The following AKAP19 variants were observed in gnomAD, a reference collection of about 807,000 sequenced individuals.
AKAP19 encodes the protein small A-kinase anchoring protein.
At chr2:190,165,101 C>G in the AKAP19 span, among the ~76,000 whole-genome samples, 11 of 152,018 alleles carry the variant, frequency 7.2e-5, no homozygotes, top group Admixed American at 4.6e-4. Context: ...GAACCAGAAC[C>G]CTGATTATAT....
At chr2:190,022,992 C>G in the AKAP19 span, among the ~76,000 whole-genome samples, 2 of 152,212 alleles carry the variant, frequency 1.3e-5, no homozygotes, top group East Asian at 3.9e-4. Flanking sequence ...AGGCCAATGT[C>G]TCTGGTTCCT....
the AKAP19 span, among the ~76,000 whole-genome samples, chr2:189,932,981 A>C: frequency 1.3e-5 from 2 of 152,216 alleles, no homozygotes; most frequent in African/African-American, 4.8e-5. Flanking sequence ...TATTGCCGGT[A>C]GCTCATATCT....
the AKAP19 span, among the ~76,000 whole-genome samples, chr2:190,051,950 G>A: frequency 1.3e-5 from 2 of 151,896 alleles, no homozygotes; most frequent in African/African-American, 4.8e-5. Flanking sequence ...CCATTCTCCT[G>A]CCTCAGCCTC....
At chr2:190,098,764 C>T in the AKAP19 span, among the ~76,000 whole-genome samples, 1 of 152,190 alleles carries the variant, frequency 6.6e-6, no homozygotes, top group Non-Finnish European at 1.5e-5. Context: ...CATTGAAAAT[C>T]TGTTGTTTAG....
the AKAP19 span, among the ~76,000 whole-genome samples, chr2:189,980,726 G>A: frequency 6.6e-6 from 1 of 152,290 alleles, no homozygotes; most frequent in Admixed American, 6.5e-5. Flanking sequence ...CCATTTATAA[G>A]TTCCAGGGTC....
the AKAP19 span, among the ~76,000 whole-genome samples, chr2:189,952,417 A>G: frequency 3.3e-5 from 5 of 152,170 alleles, no homozygotes; most frequent in African/African-American, 9.7e-5. Context: ...TGGAACTGAA[A>G]CAAAATCATA....
the AKAP19 span, chr2:189,923,892 A>G: frequency 7.9e-5 from 128 of 1,611,182 alleles, no homozygotes; most frequent in Middle Eastern, 3.9e-3. Context: ...ATTAAGAGGG[A>G]GCTGACCCAG....
the AKAP19 span, among the ~76,000 whole-genome samples, chr2:189,943,753 C>T: frequency 1.3e-5 from 2 of 152,238 alleles, no homozygotes; most frequent in East Asian, 1.9e-4. Context: ...GAGCCCACCC[C>T]TTGCACCAGT....
chr2:189,994,310 C>A, the AKAP19 span, among the ~76,000 whole-genome samples: 1 of 151,922 alleles, frequency 6.6e-6, no homozygotes, highest in Non-Finnish European at 1.5e-5. Context: ...CCGCGCCCAG[C>A]CTGATCTTTT....
the AKAP19 span, among the ~76,000 whole-genome samples, chr2:190,009,162 G>A: frequency 7.6e-4 from 116 of 152,238 alleles, 2 homozygotes; most frequent in East Asian, 0.019. Flanking sequence ...GTGTGGTGTC[G>A]GGAGGGGACC....
At chr2:190,156,232 T>G in the AKAP19 span, among the ~76,000 whole-genome samples, 1 of 152,172 alleles carries the variant, frequency 6.6e-6, no homozygotes, top group Non-Finnish European at 1.5e-5. Context: ...AGATAGGTTA[T>G]TTTTAAAATA....
At chr2:189,961,842 G>T in the AKAP19 span, among the ~76,000 whole-genome samples, 1 of 151,942 alleles carries the variant, frequency 6.6e-6, no homozygotes, top group Non-Finnish European at 1.5e-5. Flanking sequence ...AACCTGGGAG[G>T]TGGAGGTTGC....
chr2:190,111,874 C>T, the AKAP19 span, among the ~76,000 whole-genome samples: 2 of 152,092 alleles, frequency 1.3e-5, no homozygotes, highest in East Asian at 1.9e-4. Flanking sequence ...TTTTATTCAA[C>T]ATCATGGTTT....
At chr2:189,973,616 G>A in the AKAP19 span, among the ~76,000 whole-genome samples, 1 of 152,088 alleles carries the variant, frequency 6.6e-6, no homozygotes, top group Admixed American at 6.6e-5. Flanking sequence ...TCTGGTCCTG[G>A]ACTTTTTTTG....
chr2:190,184,716 G>A, the AKAP19 span, among the ~76,000 whole-genome samples: 91 of 152,248 alleles, frequency 6.0e-4, no homozygotes, highest in African/African-American at 2.2e-3. Flanking sequence ...GGGAAAGGGT[G>A]CTGGGTGGAG....
At chr2:190,201,096 A>AAAGAT in the AKAP19 span, 20 of 167,062 alleles carry the variant, frequency 1.2e-4, no homozygotes, top group Admixed American at 3.3e-4. Flanking sequence ...GCAAAACGGA[A>AAAGAT]AAGATAAAAC....
At chr2:189,953,516 C>T in the AKAP19 span, among the ~76,000 whole-genome samples, 1 of 151,604 alleles carries the variant, frequency 6.6e-6, no homozygotes, top group African/African-American at 2.4e-5. Context: ...TGCCTGTAAT[C>T]CCAGCTACTC....
the AKAP19 span, among the ~76,000 whole-genome samples, chr2:189,911,305 A>G: frequency 1.3e-5 from 2 of 152,186 alleles, no homozygotes; most frequent in Non-Finnish European, 2.9e-5. Flanking sequence ...TGTATTTGTT[A>G]CTAATTTTGG....
At chr2:189,984,654 G>T in the AKAP19 span, among the ~76,000 whole-genome samples, 3 of 152,206 alleles carry the variant, frequency 2.0e-5, no homozygotes, top group Non-Finnish European at 4.4e-5. Context: ...ATTGATTGGG[G>T]AAGTGATAAG....
Sources: gnomAD v4.1 joint callset for allele counts (sites outside exome capture counted in the v4.1 genomes callset) on GRCh38, gnomAD v4.1.1 for gene constraint, MANE v1.5 for transcripts, NCBI Gene and HGNC (gene_info 2026-07-23, HGNC 2026-07-21) for gene names.